The following MAN1C1 variants were observed in gnomAD, a reference collection of about 807,000 sequenced individuals.
MAN1C1 encodes the protein mannosyl-oligosaccharide 1,2-alpha-mannosidase IC.
Under a neutral mutation model 71.5 loss-of-function variants are expected in MAN1C1, and 49 were observed. The ratio of observed to expected loss-of-function variants is 0.69; its 90% CI spans 0.54 to 0.87. The LOEUF is 0.87. Ranked by LOEUF, MAN1C1 falls within the 40% of genes least tolerant of loss-of-function variation. The pLI is 0.00. For synonymous variants in MAN1C1, 352 were observed against 343.7 expected, an observed-to-expected ratio of 1.02 and a Z score of -0.27; for missense variants, 743 against 835.0, an observed-to-expected ratio of 0.89 and a Z score of 1.36.
At chr1:25,689,651 A>G (rs1303288403) in intron 2 of MAN1C1, among the ~76,000 whole-genome samples, 1 of 152,172 alleles carries the variant, frequency 6.6e-6, no homozygotes. Flanking sequence ...ACTGGCCTGA[A>G]TGAAGCAGCT....
At chr1:25,666,777 T>G (rs538320857) in intron 1 of MAN1C1, among the ~76,000 whole-genome samples, 2 of 152,338 alleles carry the variant, frequency 1.3e-5, no homozygotes, top group East Asian at 3.9e-4. Flanking sequence ...TATGGGGATA[T>G]TCTAAAAGGG....
At chr1:25,718,691 T>C (rs1457638432) in intron 2 of MAN1C1, among the ~76,000 whole-genome samples, 1 of 152,198 alleles carries the variant, frequency 6.6e-6, no homozygotes, top group Non-Finnish European at 1.5e-5. Flanking sequence ...AAACCTGTGG[T>C]CTTTTGTATC....
intron 2 of MAN1C1, among the ~76,000 whole-genome samples, chr1:25,744,706 A>G (rs1005133095): frequency 5.3e-5 from 8 of 152,178 alleles, no homozygotes; most frequent in African/African-American, 1.4e-4. Flanking sequence ...AGAGGTGGTT[A>G]AGTGTGTGAA....
chr1:25,758,971 C>G, intron 6 of MAN1C1: 1 of 457,206 alleles, frequency 2.2e-6, no homozygotes, highest in Non-Finnish European at 4.0e-6. Flanking sequence ...AAAAGGTTCT[C>G]ACTGGTCTGC....
intron 2 of MAN1C1, among the ~76,000 whole-genome samples, chr1:25,732,016 G>A (rs1208162651): frequency 6.6e-6 from 1 of 152,158 alleles, no homozygotes; most frequent in Non-Finnish European, 1.5e-5. Flanking sequence ...GACCAACTCA[G>A]ACCCTCCTAT....
intron 2 of MAN1C1, among the ~76,000 whole-genome samples, chr1:25,701,927 G>C (rs531554082): frequency 6.6e-6 from 1 of 152,162 alleles, no homozygotes; most frequent in Non-Finnish European, 1.5e-5. Flanking sequence ...GGGCGTGGTG[G>C]TGCACACCTG....
chr1:25,681,167 G>A (rs574167288), intron 1 of MAN1C1, among the ~76,000 whole-genome samples: 8 of 151,410 alleles, frequency 5.3e-5, no homozygotes, highest in South Asian at 2.1e-4. Context: ...TGGAGGTTGC[G>A]GTGAACTGAG....
intron 2 of MAN1C1, among the ~76,000 whole-genome samples, chr1:25,713,708 G>A (rs1233784854): frequency 1.3e-5 from 2 of 152,186 alleles, no homozygotes; most frequent in Non-Finnish European, 2.9e-5. Flanking sequence ...TCCGGCCTCT[G>A]TTCAGACTAG....
chr1:25,759,134 T>C (rs1406702925), intron 6 of MAN1C1: 1 of 202,786 alleles, frequency 4.9e-6, no homozygotes, highest in Non-Finnish European at 1.0e-5. Context: ...GCCTGCCTTC[T>C]TCCCTGTGCC....
chr1:25,685,867 AAG>A (rs2046222644), intron 1 of MAN1C1, among the ~76,000 whole-genome samples: 1 of 152,288 alleles, frequency 6.6e-6, no homozygotes, highest in African/African-American at 2.4e-5. Context: ...AAGGAGTTCA[AAG>A]AGACTCGTAT....
intron 1 of MAN1C1, among the ~76,000 whole-genome samples, chr1:25,676,867 C>T (rs2046075997): frequency 6.6e-6 from 1 of 152,168 alleles, no homozygotes; most frequent in Non-Finnish European, 1.5e-5. Flanking sequence ...CCCTTCCTTC[C>T]AAGTTGTACC....
At chr1:25,691,542 G>A (rs911400057) in intron 2 of MAN1C1, among the ~76,000 whole-genome samples, 1 of 152,202 alleles carries the variant, frequency 6.6e-6, no homozygotes, top group Non-Finnish European at 1.5e-5. Flanking sequence ...ACAGCACATA[G>A]GAAGCATTCA....
In MAN1C1 at chr1:25,711,731, C is replaced by T. The variant is rs572467324; in HGVS notation, c.637+25195C>T. ...CACTTCCTCCCCTCCTCCGTGGGTG[C>T]GCAGCCCAGGCCACTGCTTGTCTTG... On this transcript the variant is annotated intron_variant, in intron 2 of 11. Transcript: ENST00000374332. The surrounding 1 kb of genome is among the most constrained non-coding windows in gnomAD (Gnocchi z 4.3). 3.4e-5 allele frequency among the ~76,000 whole-genome samples: 5 copies of T among 148,636 alleles called. No homozygotes were observed. The highest frequency in any genetic ancestry group is 2.1e-4 in the East Asian group (1 of 4,868).
At chr1:25,771,351 T>TAAA (rs772936306) in intron 7 of MAN1C1, among the ~76,000 whole-genome samples, 2 of 152,006 alleles carry the variant, frequency 1.3e-5, no homozygotes, top group Non-Finnish European at 2.9e-5. Flanking sequence ...GCAACTCACT[T>TAAA]ACAGTTAATA....
chr1:25,747,547 G>A (rs139045806), intron 3 of MAN1C1, among the ~76,000 whole-genome samples: 6 of 152,320 alleles, frequency 3.9e-5, no homozygotes, highest in East Asian at 1.9e-4. Flanking sequence ...TGTGGGCTCC[G>A]GGAGTGCCAG....
intron 2 of MAN1C1, among the ~76,000 whole-genome samples, chr1:25,741,196 G>A (rs1408872404): frequency 6.6e-6 from 1 of 152,044 alleles, no homozygotes; most frequent in Non-Finnish European, 1.5e-5. Context: ...TGGCCAGGCT[G>A]GTCTCAAACT....
At chr1:25,757,712 G>A (rs374196782) in intron 5 of MAN1C1, among the ~76,000 whole-genome samples, 42 of 152,320 alleles carry the variant, frequency 2.8e-4, no homozygotes, top group African/African-American at 1.0e-3. Flanking sequence ...TGCACCTTCT[G>A]GCTCCAGATC....
chr1:25,681,550 C>A (rs545984186), intron 1 of MAN1C1, among the ~76,000 whole-genome samples: 38 of 152,280 alleles, frequency 2.5e-4, no homozygotes, highest in African/African-American at 8.9e-4. Flanking sequence ...GGAGCACTCG[C>A]AAAACCCAGG....
At chr1:25,654,100 T>C (rs2045729662) in intron 1 of MAN1C1, 1 of 152,256 alleles carries the variant, frequency 6.6e-6, no homozygotes, top group Non-Finnish European at 1.5e-5. Context: ...CCCAGGGTTA[T>C]AGAAGGAGTA....
Sources: gnomAD v4.1 joint callset for allele counts (sites outside exome capture counted in the v4.1 genomes callset) on GRCh38, gnomAD v4.1.1 for gene constraint, Gnocchi (gnomAD v3.1) non-coding constraint, MANE v1.5 for transcripts, NCBI Gene and HGNC (gene_info 2026-07-23, HGNC 2026-07-21) for gene names.